The following LIPK variants were observed in gnomAD, a reference collection of about 807,000 sequenced individuals.
LIPK encodes lipase member K.
Under a neutral mutation model 48.6 loss-of-function variants are expected in LIPK, and 32 were observed. That is an observed-to-expected ratio of 0.66 (90% CI 0.50 to 0.88). The LOEUF (loss-of-function observed/expected upper bound fraction) is 0.88, where lower values mean the gene tolerates loss of function less well. Ranked by LOEUF, LIPK falls within the 40% of genes least tolerant of loss-of-function variation. LIPK has a pLI of 0.00. For missense variants in LIPK, 507 were observed against 478.5 expected, an observed-to-expected ratio of 1.06 and a Z score of -0.56; for synonymous variants, 164 against 157.4, an observed-to-expected ratio of 1.04 and a Z score of -0.32.
At chr10:88,743,163 G>A (rs1842709412) in intron 8 of LIPK, 87 bp from the exon 9 acceptor site, 2 of 817,506 alleles carry the variant, frequency 2.4e-6, no homozygotes, top group Middle Eastern at 3.6e-4. Flanking sequence ...GGGGCATAAT[G>A]TTAATCTTCT....
At chr10:88,745,210 A>G (rs1183370878) in intron 9 of LIPK, among the ~76,000 whole-genome samples, 1 of 152,224 alleles carries the variant, frequency 6.6e-6, no homozygotes, top group East Asian at 1.9e-4. Flanking sequence ...AACATATTTG[A>G]TGATATTGTC....
intron 3 of LIPK, chr10:88,728,011 C>A: frequency 5.4e-6 from 2 of 368,572 alleles, no homozygotes; most frequent in Admixed American, 5.4e-5. Flanking sequence ...GGAGGTGGAG[C>A]TTGACAACAT....
At chr10:88,716,920 A>C (rs183180512) in intron 1 of LIPK, among the ~76,000 whole-genome samples, 1 of 152,146 alleles carries the variant, frequency 6.6e-6, no homozygotes, top group East Asian at 1.9e-4. Context: ...TTAGTGAGAG[A>C]TACTTGAGAG....
intron 6 of LIPK, among the ~76,000 whole-genome samples, chr10:88,734,864 G>A (rs1842539728): frequency 6.6e-6 from 1 of 152,174 alleles, no homozygotes; most frequent in Admixed American, 6.5e-5. Flanking sequence ...TTTGAGGAAC[G>A]GGCTTTCTTT....
At position 88,752,714 on chromosome 10, in the gene LIPK, C is replaced by T; in HGVS notation, c.1158C>T (p.Tyr386=). The change falls in exon 10 of 10, where the codon TAC becomes TAT. Residue 386 remains tyrosine (Y), a synonymous_variant. Transcript: ENST00000404190. ...YLGEDAPQEI[Y]QDLIILMEEY... is the part of the protein sequence containing the mutation. ...GAGAGGATGCACCTCAGGAAATTTACCAAGACCTAATTATATTGATGGAAG... is the reference window on the plus strand; with the variant it reads ...GAGAGGATGCACCTCAGGAAATTTATCAAGACCTAATTATATTGATGGAAG... The T allele has an allele frequency of 6.4e-7, 1 of 1,565,894 alleles. No homozygotes were observed. The highest frequency in any genetic ancestry group is 8.7e-7 in the Non-Finnish European group (1 of 1,151,396).
At chr10:88,728,329 G>C (rs114005356) in intron 3 of LIPK, 2,553 of 183,074 alleles carry the variant, frequency 0.014, 16 homozygotes, top group Middle Eastern at 0.022. Flanking sequence ...CCAAGGCCGA[G>C]AGCATGCACC....
chr10:88,729,696 G>C (rs898188236), intron 3 of LIPK, among the ~76,000 whole-genome samples: 1 of 152,212 alleles, frequency 6.6e-6, no homozygotes, highest in Admixed American at 6.5e-5. Context: ...CTTTGGCAGA[G>C]TTAGTAACAC....
At chr10:88,725,128 A>G (rs2134717810) in intron 2 of LIPK, among the ~76,000 whole-genome samples, 1 of 152,386 alleles carries the variant, frequency 6.6e-6, no homozygotes, top group Middle Eastern at 3.4e-3. Context: ...ACAAATATCT[A>G]CTACAGAATT....
chr10:88,727,936 A>G, intron 3 of LIPK: 1 of 369,774 alleles, frequency 2.7e-6, no homozygotes, highest in South Asian at 2.4e-5. Context: ...GAACGTGGAC[A>G]ACATGGAGAG....
intron 7 of LIPK, among the ~76,000 whole-genome samples, chr10:88,738,666 T>TAA (rs1311342449): frequency 6.6e-6 from 1 of 152,066 alleles, no homozygotes; most frequent in African/African-American, 2.4e-5. Context: ...TTGAAGCAAA[T>TAA]AAAAAAGAGT....
intron 1 of LIPK, among the ~76,000 whole-genome samples, chr10:88,707,504 G>A (rs965302700): frequency 6.6e-6 from 1 of 151,962 alleles, no homozygotes; most frequent in African/African-American, 2.4e-5. Context: ...TCATATTATC[G>A]AAGACATGTG....
At chr10:88,727,926 G>T in intron 3 of LIPK, 1 of 364,152 alleles carries the variant, frequency 2.7e-6, no homozygotes. Context: ...ACAGCTGGGA[G>T]AACGTGGACA....
In LIPK at chr10:88,743,287, GA is replaced by G; in HGVS notation, c.929del (p.Asn310ThrfsTer6). On this transcript the variant is annotated frameshift_variant, in exon 9 of 10. Transcript: ENST00000404190. LOFTEE classifies it high-confidence loss of function. ...GGTCAGCTCCAAGCTTTTGATTGGG[GA>G]AACTCTGATCAGAACATGATGCACT... ...NSGQLQAFDW[G>X]NSDQNMMHFH... The G allele has an allele frequency of 6.3e-7, 1 of 1,594,128 alleles. No individual in the cohort carries two copies. Among genetic ancestry groups the G allele is most frequent in the Non-Finnish European group, 8.6e-7 (1 of 1,168,520 alleles).
At chr10:88,723,921 T>C (rs1234339266) in intron 1 of LIPK, among the ~76,000 whole-genome samples, 1 of 152,140 alleles carries the variant, frequency 6.6e-6, no homozygotes, top group East Asian at 1.9e-4. Context: ...ATTCCATTTT[T>C]TCTCACCCAT....
rs141877316 is a variant in LIPK, at chr10:88,730,237, G to A, written c.224-746G>A. ...GAAAAATATAATGCTATTAATATAA[G>A]TAACAGTAATAGAGCTAATATATAT... is the stretch of plus-strand genomic sequence containing the variant. On this transcript the variant is annotated intron_variant, in intron 3 of 9. Transcript: ENST00000404190. Among the ~76,000 whole-genome samples, 291 of 152,178 alleles carry A rather than the reference G, an allele frequency of 1.9e-3. 2 individuals carry two copies. The highest frequency in any genetic ancestry group is 2.6e-3 in the Non-Finnish European group (175 of 68,000).
chr10:88,724,773 C>T, intron 2 of LIPK, 125 bp downstream of exon 2: 1 of 643,974 alleles, frequency 1.6e-6, no homozygotes, highest in Non-Finnish European at 2.6e-6. Flanking sequence ...TGTGCTTCCT[C>T]TCCTGTTTCT....
chr10:88,737,871 C>A (rs912128281), intron 7 of LIPK, 90 bp downstream of exon 7: 1 of 1,390,948 alleles, frequency 7.2e-7, no homozygotes, highest in Non-Finnish European at 9.9e-7. Flanking sequence ...AACTGCAATT[C>A]AAGGTTTCCT....
intron 1 of LIPK, among the ~76,000 whole-genome samples, chr10:88,720,334 CAA>C (rs1444197371): frequency 6.6e-6 from 1 of 151,854 alleles, no homozygotes; most frequent in African/African-American, 2.4e-5. Flanking sequence ...TTCATGGACA[CAA>C]AGAGGGGAAT....
Position 88,737,692 on chromosome 10 carries a change from A to G in LIPK, c.727A>G (p.Thr243Ala). 1 of 1,613,790 alleles carries G rather than the reference A, an allele frequency of 6.2e-7. No individual in the cohort carries two copies. Among genetic ancestry groups the G allele is most frequent in the Non-Finnish European group, 8.5e-7 (1 of 1,179,690 alleles). ...PHTLFDQFIATKVCNRKLFRR... is the reference protein window; with the variant it reads ...PHTLFDQFIAAKVCNRKLFRR... ...TACATTGTTTGACCAATTCATTGCC[A>G]CCAAAGTGTGCAATCGAAAGCTATT... The change falls in exon 7 of 10, where the codon ACC becomes GCC. Residue 243 changes from threonine (T) to alanine (A), a missense_variant. Physicochemically the swap from Thr to Ala is moderately conservative, Grantham distance 58. Transcript: ENST00000404190.
Sources: allele counts gnomAD v4.1 joint callset (sites outside exome capture counted in the v4.1 genomes callset), GRCh38; gene constraint gnomAD v4.1.1; transcripts MANE v1.5; gene names NCBI Gene and HGNC (gene_info 2026-07-23, HGNC 2026-07-21).